Variants in EYS observed in about 807,000 individuals in gnomAD.
EYS encodes the protein EGF-like photoreceptor maintenance factor.
EYS carries 250 observed loss-of-function variants against 282.1 expected under a neutral mutation model. That is an observed-to-expected ratio of 0.89 (90% CI 0.80 to 0.98). The LOEUF is 0.98. Ranked by LOEUF, EYS falls within the 50% of genes least tolerant of loss-of-function variation. The pLI is 0.00. For missense variants in EYS, 4,016 were observed against 3,709.0 expected (o/e 1.08, Z -2.15); for synonymous variants, 1,355 against 1,282.9 (o/e 1.06, Z -1.20).
At chr6:64,227,218 G>T (rs1766277194) in intron 31 of EYS, among the ~76,000 whole-genome samples, 1 of 151,332 alleles carries the variant, frequency 6.6e-6, no homozygotes, top group Non-Finnish European at 1.5e-5. Context: ...ACAATTTTTT[G>T]GGCTCACCCA....
intron 1 of EYS, among the ~76,000 whole-genome samples, chr6:65,693,266 T>C (rs1284746013): frequency 6.7e-6 from 1 of 149,786 alleles, no homozygotes; most frequent in African/African-American, 2.4e-5. Context: ...TTTTTCTCCT[T>C]ATGTATTCTA....
At chr6:64,300,614 A>G (rs1011904219) in intron 30 of EYS, among the ~76,000 whole-genome samples, 1 of 152,156 alleles carries the variant, frequency 6.6e-6, no homozygotes, top group African/African-American at 2.4e-5. Context: ...ACAATCAAAC[A>G]GCCCCTGGAA....
rs146439667 is a variant in EYS, at chr6:65,273,230, C to G, written c.2023+22633G>C. ...ACAGTAGTCAACTACTTTGACTATA[C>G]AGTTACCACAGGTAACTGAAACCAT... is the stretch of plus-strand genomic sequence containing the variant. On this transcript the variant is annotated intron_variant, in intron 12 of 42. Transcript: ENST00000503581. 3.2e-3 allele frequency among the ~76,000 whole-genome samples: 491 copies of G among 152,246 alleles called. 3 individuals are homozygous for G. The highest frequency in any genetic ancestry group is 8.9e-3 in the African/African-American group (370 of 41,560).
intron 16 of EYS, among the ~76,000 whole-genome samples, chr6:64,911,821 T>C (rs1315181695): frequency 6.6e-6 from 1 of 152,136 alleles, no homozygotes; most frequent in Non-Finnish European, 1.5e-5. Context: ...CCACTGTGCA[T>C]TAATAAGACT....
At chr6:64,617,607 T>A in intron 23 of EYS, 74 bp from the exon 24 acceptor site, 1 of 800,468 alleles carries the variant, frequency 1.2e-6, no homozygotes, top group Non-Finnish European at 2.1e-6. Flanking sequence ...TAGCCTATAT[T>A]TATTGGCTTT....
chr6:64,986,766 G>A (rs116087515), intron 14 of EYS, among the ~76,000 whole-genome samples: 1 of 150,408 alleles, frequency 6.6e-6, no homozygotes, highest in Non-Finnish European at 1.5e-5. Flanking sequence ...TAAAATTGAT[G>A]TATTTTAGAA....
At chr6:64,158,393 T>A (rs1401015891) in intron 31 of EYS, among the ~76,000 whole-genome samples, 1 of 152,170 alleles carries the variant, frequency 6.6e-6, no homozygotes, top group Non-Finnish European at 1.5e-5. Context: ...TAATATTTGA[T>A]GCTGAGAAAA....
intron 26 of EYS, among the ~76,000 whole-genome samples, chr6:64,514,595 A>C (rs137979153): frequency 2.1e-3 from 312 of 151,908 alleles, no homozygotes; most frequent in African/African-American, 6.8e-3. Flanking sequence ...TTATAAGGGG[A>C]GTAATGACAT....
At chr6:63,790,531 T>C (rs1381364553) in intron 37 of EYS, among the ~76,000 whole-genome samples, 1 of 152,250 alleles carries the variant, frequency 6.6e-6, no homozygotes, top group Admixed American at 6.5e-5. Flanking sequence ...TGGGAACTTA[T>C]GGCAAGTCTC....
rs1046021966 is a variant in EYS at position 64,591,233 on chromosome 6, G to A, written c.4634C>T (p.Ala1545Val). The change falls in exon 26 of 43, where the codon GCT becomes GTT. Residue 1545 changes from alanine to valine, a missense_variant. Transcript: ENST00000503581. ...NQRLTNIKSQ[A>V]ADSLRELSQT... ...GCTTAATTCTCTTAAAGAATCAGCAGCCTGTGATTTGATGTTTGTGAGTCT... is the reference window on the plus strand; with the variant it reads ...GCTTAATTCTCTTAAAGAATCAGCAACCTGTGATTTGATGTTTGTGAGTCT... 1.3e-6 allele frequency: 2 copies of A among 1,551,304 alleles called. No individual in the cohort carries two copies. The highest frequency in any genetic ancestry group is 1.7e-6 in the Non-Finnish European group (2 of 1,146,834).
intron 35 of EYS, among the ~76,000 whole-genome samples, chr6:63,972,228 G>A (rs1766610183): frequency 1.3e-5 from 2 of 152,176 alleles, no homozygotes; most frequent in Admixed American, 1.3e-4. Context: ...AAAGGAACAT[G>A]TGACATTTTA....
intron 22 of EYS, among the ~76,000 whole-genome samples, chr6:64,741,980 A>AT (rs1000068287): frequency 4.0e-5 from 6 of 151,502 alleles, no homozygotes; most frequent in South Asian, 2.1e-4. Flanking sequence ...TTCTTCAAAT[A>AT]TTTTTTTTTA....
intron 33 of EYS, among the ~76,000 whole-genome samples, chr6:64,022,317 T>C (rs1487650966): frequency 6.6e-6 from 1 of 152,214 alleles, no homozygotes; most frequent in Non-Finnish European, 1.5e-5. Context: ...ATATAATATT[T>C]TCTGTCTAAA....
intron 6 of EYS, among the ~76,000 whole-genome samples, chr6:65,403,665 A>C (rs1766603685): frequency 6.6e-6 from 1 of 151,978 alleles, no homozygotes; most frequent in Non-Finnish European, 1.5e-5. Flanking sequence ...AATTCTTCTA[A>C]TGAATAATAG....
At chr6:65,514,691 A>T (rs571844843) in intron 2 of EYS, among the ~76,000 whole-genome samples, 1 of 152,368 alleles carries the variant, frequency 6.6e-6, no homozygotes, top group Admixed American at 6.5e-5. Context: ...TGATGGGGAA[A>T]GGACTCCCTA....
intron 19 of EYS, among the ~76,000 whole-genome samples, chr6:64,825,832 A>G (rs1349542370): frequency 6.6e-6 from 1 of 151,654 alleles, no homozygotes; most frequent in African/African-American, 2.4e-5. Context: ...TCAAACTCTA[A>G]GTTATTCATC....
At chr6:64,287,251 G>A (rs1188304189) in intron 30 of EYS, among the ~76,000 whole-genome samples, 1 of 152,010 alleles carries the variant, frequency 6.6e-6, no homozygotes, top group African/African-American at 2.4e-5. Flanking sequence ...TCCAGCATCA[G>A]TCACAAAATA....
chr6:64,625,370 A>G (rs1767572446), intron 23 of EYS, among the ~76,000 whole-genome samples: 1 of 152,208 alleles, frequency 6.6e-6, no homozygotes, highest in Non-Finnish European at 1.5e-5. Context: ...TAAACTGGAT[A>G]GCTTACAGAA....
chr6:65,622,679 T>C (rs1447901775), intron 2 of EYS, among the ~76,000 whole-genome samples: 1 of 152,122 alleles, frequency 6.6e-6, no homozygotes, highest in East Asian at 1.9e-4. Context: ...TTGTTAAGAT[T>C]GTTGCATTTC....
Sources: allele counts gnomAD v4.1 joint callset (sites outside exome capture counted in the v4.1 genomes callset), GRCh38; gene constraint gnomAD v4.1.1; transcripts MANE v1.5; gene names NCBI Gene and HGNC (gene_info 2026-07-23, HGNC 2026-07-21).